ARHGAP20: variants seen among roughly 807,000 people sequenced by gnomAD.
The protein encoded by ARHGAP20 is Rho GTPase activating protein 20.
ARHGAP20 carries 34 observed loss-of-function variants against 73.7 expected under a neutral mutation model. The ratio of observed to expected loss-of-function variants is 0.46; its 90% confidence interval spans 0.35 to 0.61. ARHGAP20 has a LOEUF of 0.61. Ranked by LOEUF, ARHGAP20 falls within the 20% of genes least tolerant of loss-of-function variation. The pLI is 0.00. For missense variants in ARHGAP20, 1,314 were observed against 1,420.9 expected (o/e 0.92, Z 1.21); for synonymous variants, 523 against 518.2 (o/e 1.01, Z -0.13).
chr11:110,670,612 A>G (rs1280286698), intron 2 of ARHGAP20, among the ~76,000 whole-genome samples: 5 of 152,104 alleles, frequency 3.3e-5, no homozygotes, highest in Admixed American at 6.6e-5. Flanking sequence ...GATAACTTCA[A>G]TGATAAATTC....
At position 110,606,560 on chromosome 11, in the gene ARHGAP20, C is replaced by T. The variant is rs1486916754; in HGVS notation, c.964+1G>A. ...GAAAACTTTTGCTAGAAGCAACTCACCACTCAGTTGCTGGGCTGCAGCCAG... is the reference window on the plus strand; with the variant it reads ...GAAAACTTTTGCTAGAAGCAACTCATCACTCAGTTGCTGGGCTGCAGCCAG... On this transcript the variant is annotated splice_donor_variant, in intron 9 of 14. Coordinates refer to ENST00000683387, the MANE Select transcript of ARHGAP20 (RefSeq NM_001384657.1). LOFTEE classifies it high-confidence loss of function. The T allele has an allele frequency of 6.2e-7, 1 of 1,606,734 alleles. No individual in the cohort carries two copies. The highest frequency in any genetic ancestry group is 8.5e-7 in the Non-Finnish European group (1 of 1,177,600).
At position 110,697,017 on chromosome 11, in the gene ARHGAP20, A is replaced by G. The variant is rs556459606; in HGVS notation, c.106-6388T>C. Among the ~76,000 whole-genome samples, 5 of 151,864 alleles carry G rather than the reference A, an allele frequency of 3.3e-5. 1 individual carries two copies. The highest frequency in any genetic ancestry group is 1.2e-4 in the African/African-American group (5 of 41,514). On this transcript the variant is annotated intron_variant, in intron 1 of 14. Transcript: ENST00000683387. ...GCTCCATGACTTTGCTATTGTGAGT[A>G]GTGCTATGATGAACATAGAAATGCA...
At position 110,579,612 on chromosome 11, in the gene ARHGAP20, A is replaced by T. The variant is rs144971465; in HGVS notation, c.3334T>A (p.Ser1112Thr). Residue 1112 changes from serine (S) to threonine (T), a missense_variant, in exon 15 of 15, where the codon TCT becomes ACT. Ser to Thr is a moderately conservative substitution (Grantham distance 58). This residue lies in a region of ARHGAP20 where 641 missense variants were observed against 636.9 expected (regional missense o/e 1.01). Transcript: ENST00000683387. Reference sequence around the variant, plus strand: ...CTCTCTGAGTCCTGGAAGGGAGAAGAACTACACCTTTGGGCTGACTGCACA... The same window carrying T: ...CTCTCTGAGTCCTGGAAGGGAGAAGTACTACACCTTTGGGCTGACTGCACA... ...SPVQSAQRCS[S>T]SPFQDSERHC... is the part of the protein sequence containing the mutation. 4 of 1,614,050 alleles carry T rather than the reference A, an allele frequency of 2.5e-6. No individual in the cohort carries two copies. Among genetic ancestry groups the T allele is most frequent in the South Asian group, 1.1e-5 (1 of 91,074 alleles).
rs549537088 is a variant in ARHGAP20 at position 110,667,950 on chromosome 11, C to G, written c.188+22597G>C. Among the ~76,000 whole-genome samples, 17 of 152,246 alleles carry G rather than the reference C, an allele frequency of 1.1e-4. No individual in the cohort carries two copies. In the East Asian group the frequency reaches 3.3e-3, roughly 29 times the overall value. On this transcript the variant is annotated intron_variant, in intron 2 of 14. Transcript: ENST00000683387. ...ATGGGTAGAGAAAGTGGTTTCTTGA[C>G]GTGGAATCTACTCCTTGTAAAGATG...
chr11:110,579,437 G>GTCGCATCCTCTAGAGTC lies in ARHGAP20; in HGVS notation c.3492_3508dup (p.Thr1170ArgfsTer3), dbSNP rs1481061663. On this transcript the variant is annotated stop_gained and frameshift_variant, in exon 15 of 15. Coordinates refer to ENST00000683387, the MANE Select transcript of ARHGAP20 (RefSeq NM_001384657.1). LOFTEE classifies it high-confidence loss of function. ...CACTGTAGGCCCTGAGTCTGGGCTG[G>GTCGCATCCTCTAGAGTC]TCGCATCCTCTAGAGTCCAAGAGCT... 1 of 1,613,958 alleles carries GTCGCATCCTCTAGAGTC rather than the reference G, an allele frequency of 6.2e-7. No homozygotes were observed. The highest frequency in any genetic ancestry group is 8.5e-7 in the Non-Finnish European group (1 of 1,179,860).
intron 1 of ARHGAP20, among the ~76,000 whole-genome samples, chr11:110,710,557 G>A (rs1036160173): frequency 6.6e-6 from 1 of 152,088 alleles, no homozygotes; most frequent in African/African-American, 2.4e-5. Context: ...TAAATGTAGG[G>A]CTAGCCTGAT....
chr11:110,701,198 T>TCCCA (rs555168998), intron 1 of ARHGAP20, among the ~76,000 whole-genome samples: 72 of 148,756 alleles, frequency 4.8e-4, no homozygotes, highest in African/African-American at 1.8e-3. Flanking sequence ...TAGTTTACAG[T>TCCCA]CCAACAGTGT....
chr11:110,625,009 A>AT (rs145890937), intron 3 of ARHGAP20, among the ~76,000 whole-genome samples: 294 of 141,824 alleles, frequency 2.1e-3, no homozygotes, highest in African/African-American at 6.0e-3. Flanking sequence ...CACAGGATTT[A>AT]TTTTTTTTTT....
chr11:110,711,542 TG>T, intron 1 of ARHGAP20: 1 of 1,313,442 alleles, frequency 7.6e-7, no homozygotes, highest in Non-Finnish European at 9.9e-7. Context: ...TCCAGGACCC[TG>T]GTGTGGGGGG....
At chr11:110,590,519 G>GT (rs1321357246) in intron 11 of ARHGAP20, 129 bp downstream of exon 11, 83 of 1,022,090 alleles carry the variant, frequency 8.1e-5, no homozygotes, top group Admixed American at 1.0e-4. Flanking sequence ...ACTTTTTAGT[G>GT]TTAAAAATTA....
Position 110,578,902 on chromosome 11 carries a change from C to T in ARHGAP20, c.*468G>A. The T allele has an allele frequency of 1.0e-6, 1 of 986,984 alleles. No individual in the cohort carries two copies. The highest frequency in any genetic ancestry group is 1.2e-6 in the Non-Finnish European group (1 of 830,920). The allele number at this position is 986,984 out of a possible 1,614,324, so 61.1% of individuals were successfully genotyped here. A position where few individuals can be genotyped will look rare whatever the true frequency, so the allele number is the denominator to read the frequency against. ...ATATGATGTTCTTCATTACTGGACA[C>T]ACTTAATGCTTTGATTAGTGGCATT... On this transcript the variant is annotated 3_prime_UTR_variant, in exon 15 of 15. Transcript: ENST00000683387.
intron 1 of ARHGAP20, among the ~76,000 whole-genome samples, chr11:110,698,739 T>A (rs1327456971): frequency 1.3e-5 from 2 of 152,020 alleles, no homozygotes; most frequent in African/African-American, 4.8e-5. Flanking sequence ...TGATCTTTTG[T>A]ATCTCTATGT....
chr11:110,676,288 C>G (rs767440461), intron 2 of ARHGAP20, among the ~76,000 whole-genome samples: 1 of 152,118 alleles, frequency 6.6e-6, no homozygotes, highest in African/African-American at 2.4e-5. Flanking sequence ...TTGTTTTAGT[C>G]TGTTCTCATG....
At chr11:110,584,017 A>C (rs1947548324) in intron 12 of ARHGAP20, among the ~76,000 whole-genome samples, 1 of 152,180 alleles carries the variant, frequency 6.6e-6, no homozygotes, top group Non-Finnish European at 1.5e-5. Context: ...TGCTGCCTGA[A>C]ATATTTCCCT....
At chr11:110,594,626 T>TA (rs953427807) in intron 9 of ARHGAP20, among the ~76,000 whole-genome samples, 1 of 151,920 alleles carries the variant, frequency 6.6e-6, no homozygotes, top group South Asian at 2.1e-4. Context: ...CTCCATTATT[T>TA]AAAAAAACAA....
At chr11:110,644,997 T>TTCTCTCTCTCTCTCTCTCTC (rs71476091) in intron 2 of ARHGAP20, among the ~76,000 whole-genome samples, 5 of 150,412 alleles carry the variant, frequency 3.3e-5, no homozygotes, top group Admixed American at 2.7e-4. Context: ...GAACAGACAC[T>TTCTCTCTCTCTCTCTCTCTC]TCTCTCTCTC....
intron 1 of ARHGAP20, chr11:110,690,938 T>C: frequency 2.8e-6 from 4 of 1,416,506 alleles, no homozygotes; most frequent in Non-Finnish European, 3.8e-6. Flanking sequence ...TTATCATGTG[T>C]CTGGCTCTAT....
rs1203983060 is a variant in ARHGAP20 at position 110,640,626 on chromosome 11, T to C, written c.189-9834A>G. On this transcript the variant is annotated intron_variant, in intron 2 of 14. Coordinates refer to ENST00000683387, the MANE Select transcript of ARHGAP20 (RefSeq NM_001384657.1). The stretch of plus-strand genomic sequence containing the variant: ...TTATCTGTCTTAATGAGATCAAACA[T>C]GAGAAAGTACTATTACATTCTATCA... Among the ~76,000 whole-genome samples the C allele has an allele frequency of 2.0e-5, 3 of 151,936 alleles. No homozygotes were observed. The East Asian group carries it at 5.8e-4, about 29-fold the overall frequency.
chr11:110,601,686 T>C (rs1345070367), intron 9 of ARHGAP20, among the ~76,000 whole-genome samples: 2 of 152,306 alleles, frequency 1.3e-5, no homozygotes, highest in South Asian at 4.2e-4. Context: ...AAAAATTATA[T>C]GGCATTTAAA....
Sources: gnomAD v4.1 joint callset for allele counts (sites outside exome capture counted in the v4.1 genomes callset) on GRCh38, gnomAD v4.1.1 for gene constraint, gnomAD v4.1.1 regional missense constraint, MANE v1.5 for transcripts, NCBI Gene and HGNC (gene_info 2026-07-23, HGNC 2026-07-21) for gene names.